Variants in UNC45A observed in about 807,000 individuals in gnomAD.
UNC45A encodes the protein unc-45 myosin chaperone A.
In UNC45A, 78 loss-of-function variants were observed where a neutral mutation model predicts 103.2. The observed-to-expected ratio is 0.76, with a 90% CI of 0.63 to 0.91. The LOEUF (loss-of-function observed/expected upper bound fraction) is 0.91. UNC45A is among the 40% of genes least tolerant of loss of function. The probability of loss-of-function intolerance (pLI) is 0.00; values close to 1 mark genes in which losing one functional copy is unlikely to be tolerated. For missense variants in UNC45A, 1,193 were observed against 1,224.8 expected (o/e 0.97, Z 0.39); for synonymous variants, 495 against 504.6 (o/e 0.98, Z 0.25).
At chr15:90,939,899 G>C in intron 5 of UNC45A, 76 bp downstream of exon 5, 1 of 1,352,412 alleles carries the variant, frequency 7.4e-7, no homozygotes, top group Non-Finnish European at 1.0e-6. Context: ...AGCCACTGCT[G>C]CCTTGCTCTG....
rs1192637992 is a variant in UNC45A at position 90,948,782 on chromosome 15, G to C, written c.1866G>C (p.Glu622Asp). Residue 622 changes from glutamate to aspartate, a missense_variant, in exon 13 of 20, where the codon GAG becomes GAC. Glu to Asp is a conservative substitution (Grantham distance 45). Transcript: ENST00000418476. The stretch of plus-strand genomic sequence containing the variant: ...AGTATGCCAAGCAGCATGTGCCCGA[G>C]CAGCACCCCAAGGTGAGGGGCCGCC... ...LAKYAKQHVP[E>D]QHPKDKPSFV... The C allele has an allele frequency of 5.0e-6, 8 of 1,606,986 alleles. No homozygotes were observed. The highest frequency in any genetic ancestry group is 3.6e-4 in the Middle Eastern group (2 of 5,504).
chr15:90,933,952 A>G (rs2035892984), upstream of UNC45A: 2 of 397,866 alleles, frequency 5.0e-6, no homozygotes, highest in East Asian at 7.1e-5. Context: ...TGGGGCTTTG[A>G]CTTTTATTTC....
chr15:90,941,211 C>T lies in UNC45A; in HGVS notation c.687+738C>T, dbSNP rs974718422. On this transcript the variant is annotated intron_variant, in intron 6 of 19. Coordinates refer to ENST00000418476, the MANE Select transcript of UNC45A (RefSeq NM_018671.5). ...AGAATGTGCCTGGCCACCACAGCAT[C>T]TACCATCGAGACAGTGACCGGACAC... 1.3e-5 allele frequency among the ~76,000 whole-genome samples: 2 copies of T among 152,302 alleles called. 1 individual carries two copies. The highest frequency in any genetic ancestry group is 6.8e-3 in the Middle Eastern group (2 of 294).
chr15:90,939,950 T>C (rs917471858), intron 5 of UNC45A, 127 bp downstream of exon 5: 2 of 843,358 alleles, frequency 2.4e-6, no homozygotes, highest in African/African-American at 3.5e-5. Flanking sequence ...GGGGCCTGGA[T>C]GGGAGCTCTG....
intron 12 of UNC45A, 145 bp downstream of exon 12, chr15:90,948,428 G>T (rs1383176968): frequency 3.8e-5 from 51 of 1,343,880 alleles, no homozygotes; most frequent in Non-Finnish European, 5.0e-5. Flanking sequence ...TGTAGTGTGG[G>T]CATGTTGGCC....
Position 90,953,202 on chromosome 15 carries a change from G to C in UNC45A, c.2469G>C (p.Leu823=). ...AGGGCAATGACCGACTGAAGCTGCT[G>C]GTGCTGTACAGTGGAGAGGATGATG... The part of the protein sequence containing the change: ...EAQGNDRLKL[L]VLYSGEDDEL... Residue 823 remains leucine, a synonymous_variant, in exon 19 of 20, where the codon CTG becomes CTC. Coordinates refer to ENST00000418476, the MANE Select transcript of UNC45A (RefSeq NM_018671.5). 6.2e-7 allele frequency: 1 copy of C among 1,613,962 alleles called. No homozygotes were observed. The highest frequency in any genetic ancestry group is 8.5e-7 in the Non-Finnish European group (1 of 1,180,020).
At chr15:90,948,041 A>C (rs2036667038) in intron 11 of UNC45A, 101 bp from the exon 12 acceptor site, 2 of 1,559,212 alleles carry the variant, frequency 1.3e-6, no homozygotes, top group Non-Finnish European at 1.7e-6. Flanking sequence ...GCTTCTGTAC[A>C]TTGAGGGGAT....
In UNC45A at chr15:90,935,297, T is replaced by G. The variant is rs373425972; in HGVS notation, c.-28T>G. On this transcript the variant is annotated 5_prime_UTR_variant, in exon 1 of 20. Transcript: ENST00000418476. ...CTCGCCCCGCCCCAGAGACTGCGCCTGCGCGGGCACGAGACAACCTCTCCG... is the reference window on the plus strand; with the variant it reads ...CTCGCCCCGCCCCAGAGACTGCGCCGGCGCGGGCACGAGACAACCTCTCCG... 7 of 1,591,274 alleles carry G rather than the reference T, an allele frequency of 4.4e-6. No individual in the cohort carries two copies. Among genetic ancestry groups the G allele is most frequent in the Non-Finnish European group, 6.0e-6 (7 of 1,171,860 alleles).
chr15:90,940,142 C>CT (rs769545180), intron 5 of UNC45A, among the ~76,000 whole-genome samples, 164 bp from the exon 6 acceptor site: 23 of 152,222 alleles, frequency 1.5e-4, no homozygotes, highest in Admixed American at 8.5e-4. Context: ...GCTCTTCCCT[C>CT]TATTTACAGA....
rs774657103 is a variant in UNC45A at position 90,950,504 on chromosome 15, A to G, written c.2192A>G (p.Tyr731Cys). Reference sequence around the variant, plus strand: ...CAGGTGGGGTGCACATTGCAGATCTATGAGGTGGTCCGGCCCCTCGTCTCC... The same window carrying G: ...CAGGTGGGGTGCACATTGCAGATCTGTGAGGTGGTCCGGCCCCTCGTCTCC... ...PEMTFPGERI[Y>C]EVVRPLVSLL... Residue 731 changes from tyrosine (Y) to cysteine (C), a missense_variant, in exon 17 of 20, where the codon TAT becomes TGT. Coordinates refer to ENST00000418476, the MANE Select transcript of UNC45A (RefSeq NM_018671.5). 2.1e-5 allele frequency: 34 copies of G among 1,613,800 alleles called. No homozygotes were observed. The highest frequency in any genetic ancestry group is 1.6e-4 in the Middle Eastern group (1 of 6,078).
In UNC45A at chr15:90,948,500, G is replaced by A. The variant is rs2036698884; in HGVS notation, c.1738-154G>A. 2.2e-6 allele frequency: 3 copies of A among 1,347,352 alleles called. No homozygotes were observed. The Admixed American group carries it at 8.0e-5, about 36-fold the overall frequency. 83.5% of individuals were successfully genotyped at this position (1,347,352 alleles called of 1,614,324 possible). A position where few individuals can be genotyped will look rare whatever the true frequency, so the allele number is the denominator to read the frequency against. ...GGAGCTGGGGAGGTCAAGTTTGTAAGCTCCCAAAGTCTGGGGCCTGGGAGT... is the reference window on the plus strand; with the variant it reads ...GGAGCTGGGGAGGTCAAGTTTGTAAACTCCCAAAGTCTGGGGCCTGGGAGT... On this transcript the variant is annotated intron_variant, in intron 12 of 19. Transcript: ENST00000418476.
intron 13 of UNC45A, 80 bp downstream of exon 13, chr15:90,948,874 C>CA: frequency 2.3e-6 from 3 of 1,300,062 alleles, no homozygotes; most frequent in Non-Finnish European, 2.0e-6. Context: ...GAACAACCTC[C>CA]CTTTTTTTTT....
At chr15:90,948,065 G>T in intron 11 of UNC45A, 77 bp from the exon 12 acceptor site, 1 of 1,591,622 alleles carries the variant, frequency 6.3e-7, no homozygotes, top group Non-Finnish European at 8.6e-7. Context: ...CAAACCCTTG[G>T]TTTTTCCCCC....
At chr15:90,950,472 C>T (rs1310800558) in intron 16 of UNC45A, 28 bp from the exon 17 acceptor site, 1 of 1,609,610 alleles carries the variant, frequency 6.2e-7, no homozygotes, top group Middle Eastern at 1.7e-4. Context: ...GCGGCAAGTA[C>T]CCCTGACAGG....
At chr15:90,948,071 C>T (rs1484765024) in intron 11 of UNC45A, 71 bp from the exon 12 acceptor site, 5 of 1,592,790 alleles carry the variant, frequency 3.1e-6, no homozygotes, top group Non-Finnish European at 4.3e-6. Context: ...CTTGGTTTTT[C>T]CCCCTTGGCC....
intron 6 of UNC45A, 82 bp downstream of exon 6, chr15:90,940,555 A>C (rs2036241880): frequency 6.6e-7 from 1 of 1,506,226 alleles, no homozygotes; most frequent in African/African-American, 1.4e-5. Context: ...CCATCTGTCC[A>C]TCCGCCCATC....
intron 17 of UNC45A, among the ~76,000 whole-genome samples, chr15:90,951,417 T>C (rs573661623): frequency 2.0e-5 from 3 of 152,298 alleles, no homozygotes; most frequent in African/African-American, 4.8e-5. Context: ...ACCTTTAGTA[T>C]AGGGCCATGG....
upstream of UNC45A, chr15:90,932,409 T>C (rs2035833768): frequency 7.6e-7 from 1 of 1,310,778 alleles, no homozygotes; most frequent in Non-Finnish European, 9.8e-7. Flanking sequence ...CAGCCGGCGC[T>C]CCGCGGCCGA....
At chr15:90,944,231 C>T (rs1456427058) in intron 8 of UNC45A, among the ~76,000 whole-genome samples, 3 of 151,740 alleles carry the variant, frequency 2.0e-5, no homozygotes, top group African/African-American at 4.8e-5. Flanking sequence ...CTAAAAGATA[C>T]AAAAAATTAG....
Sources: gnomAD v4.1 joint callset for allele counts (sites outside exome capture counted in the v4.1 genomes callset) on GRCh38, gnomAD v4.1.1 for gene constraint, MANE v1.5 for transcripts, NCBI Gene and HGNC (gene_info 2026-07-23, HGNC 2026-07-21) for gene names.